C5orf22: variants seen among roughly 807,000 people sequenced by gnomAD.
C5orf22 encodes UPF0489 protein C5orf22.
A neutral mutation model predicts 48.7 loss-of-function variants in C5orf22; 36 were observed. The observed-to-expected ratio is 0.74, with a 90% CI of 0.57 to 0.98. The LOEUF is 0.98. C5orf22 is among the 50% of genes least tolerant of loss of function. C5orf22 has a pLI of 0.00. For synonymous variants in C5orf22, 141 were observed against 180.8 expected (o/e 0.78, Z 1.76); for missense variants, 486 against 521.9 (o/e 0.93, Z 0.67).
rs189897483 is a variant in C5orf22, at chr5:31,554,294, C to T, written c.*1392C>T. ...TGTGTTCCTATAGAGTTGCATGTAG[C>T]TAAAATTATAGTGTGCTGCCTAACT... On this transcript the variant is annotated 3_prime_UTR_variant, in exon 9 of 9. Transcript: ENST00000325366. 1.8e-3 allele frequency: 277 copies of T among 152,304 alleles called. 10 individuals carry two copies. The highest frequency in any genetic ancestry group is 0.018 in the Admixed American group (273 of 15,298). The allele number at this position is 152,304 out of a possible 1,614,324, so 9.4% of individuals were successfully genotyped here. A position where few individuals can be genotyped will look rare whatever the true frequency, so the allele number is the denominator to read the frequency against.
intron 3 of C5orf22, among the ~76,000 whole-genome samples, chr5:31,537,992 C>T (rs1435747788): frequency 6.6e-6 from 1 of 152,202 alleles, no homozygotes; most frequent in Non-Finnish European, 1.5e-5. Context: ...GCATGCTTTT[C>T]TTCCATTCAC....
intron 4 of C5orf22, among the ~76,000 whole-genome samples, chr5:31,540,283 C>T (rs948138431): frequency 6.6e-6 from 1 of 152,140 alleles, no homozygotes; most frequent in Non-Finnish European, 1.5e-5. Flanking sequence ...TAACCTTTTC[C>T]TGAGAATACT....
In C5orf22 at chr5:31,541,138, GTGTGTGTGTGTA is replaced by G. The variant is rs979012905; in HGVS notation, c.870+129_871-130del. The stretch of plus-strand genomic sequence containing the variant: ...TGTGTGTGTGTGTGTGTGTGTGTGT[GTGTGTGTGTGTA>G]TTGGCGAAGCCCATGGTTAGTACTT... On this transcript the variant is annotated intron_variant, in intron 5 of 8. Coordinates refer to ENST00000325366, the MANE Select transcript of C5orf22 (RefSeq NM_018356.3). 5.1e-6 allele frequency: 5 copies of G among 984,432 alleles called. No individual in the cohort carries two copies. In the African/African-American group the frequency reaches 8.2e-5, roughly 16 times the overall value. 61.0% of individuals were successfully genotyped at this position (984,432 alleles called of 1,614,324 possible).
intron 7 of C5orf22, 87 bp downstream of exon 7, chr5:31,545,799 C>A: frequency 3.5e-6 from 3 of 855,206 alleles, no homozygotes; most frequent in South Asian, 3.3e-5. Flanking sequence ...TAAAGTGGTT[C>A]GTTTTTGTTT....
intron 4 of C5orf22, among the ~76,000 whole-genome samples, chr5:31,540,433 G>T (rs900203775): frequency 3.3e-5 from 5 of 152,110 alleles, no homozygotes; most frequent in African/African-American, 1.2e-4. Context: ...CCTGACCGAG[G>T]TTCTATGTCT....
intron 1 of C5orf22, among the ~76,000 whole-genome samples, chr5:31,533,145 G>T (rs1741772555): frequency 6.6e-6 from 1 of 152,038 alleles, no homozygotes; most frequent in African/African-American, 2.4e-5. Flanking sequence ...AGTAGAGACG[G>T]GGCTTCGCCA....
chr5:31,542,995 T>C (rs1167336248), intron 6 of C5orf22, among the ~76,000 whole-genome samples: 1 of 152,180 alleles, frequency 6.6e-6, no homozygotes, highest in Non-Finnish European at 1.5e-5. Flanking sequence ...TCAGCAGATC[T>C]CTAGAAGAAT....
intron 6 of C5orf22, among the ~76,000 whole-genome samples, chr5:31,542,687 C>T (rs771240947): frequency 1.1e-4 from 17 of 152,116 alleles, no homozygotes; most frequent in Non-Finnish European, 2.1e-4. Context: ...AGAATATTGA[C>T]ATAAATATTA....
At chr5:31,543,518 T>C (rs1742602228) in intron 6 of C5orf22, among the ~76,000 whole-genome samples, 1 of 151,994 alleles carries the variant, frequency 6.6e-6, no homozygotes, top group Non-Finnish European at 1.5e-5. Flanking sequence ...TGCAGTGAGC[T>C]GAGATCGCAC....
At chr5:31,536,928 T>C (rs1742132157) in intron 3 of C5orf22, among the ~76,000 whole-genome samples, 1 of 152,232 alleles carries the variant, frequency 6.6e-6, no homozygotes, top group Non-Finnish European at 1.5e-5. Flanking sequence ...GTCTTCCTCA[T>C]TGAAAATGAT....
intron 5 of C5orf22, 106 bp from the exon 6 acceptor site, chr5:31,541,175 T>C (rs1281989621): frequency 1.5e-5 from 18 of 1,236,730 alleles, no homozygotes; most frequent in Non-Finnish European, 1.9e-5. Context: ...GGTTAGTACT[T>C]GAAAATTATG....
In C5orf22 at chr5:31,532,480, G is replaced by A; in HGVS notation, c.81+7G>A. 2.5e-6 allele frequency: 4 copies of A among 1,611,652 alleles called. No individual in the cohort carries two copies. Among genetic ancestry groups the A allele is most frequent in the East Asian group, 2.2e-5 (1 of 44,802 alleles). On this transcript the variant is annotated splice_region_variant and intron_variant, in intron 1 of 8. Transcript: ENST00000325366. Reference sequence around the variant, plus strand: ...GGTGGAGGATCATCAGGAGGTGAGCGGACGGCAACAGGGCTCTGGGGCAGA... The same window carrying A: ...GGTGGAGGATCATCAGGAGGTGAGCAGACGGCAACAGGGCTCTGGGGCAGA...
At chr5:31,548,094 G>A (rs899448681) in intron 7 of C5orf22, among the ~76,000 whole-genome samples, 5 of 152,138 alleles carry the variant, frequency 3.3e-5, no homozygotes, top group Non-Finnish European at 7.3e-5. Context: ...TTGAGGCCAG[G>A]AGTTCAAGAC....
chr5:31,551,236 A>C, intron 7 of C5orf22, 57 bp from the exon 8 acceptor site: 1 of 1,549,758 alleles, frequency 6.5e-7, no homozygotes, highest in Non-Finnish European at 8.8e-7. Flanking sequence ...TTAATGATTA[A>C]AGAAGCTTAT....
Position 31,538,388 on chromosome 5 carries a change from A to T in C5orf22, c.506A>T (p.Glu169Val), listed in dbSNP as rs1369013097. The T allele has an allele frequency of 1.2e-6, 2 of 1,614,222 alleles. No homozygotes were observed. The highest frequency in any genetic ancestry group is 4.5e-5 in the East Asian group (2 of 44,880). The change falls in exon 4 of 9, where the codon GAA (glutamate) becomes GTA (valine). Residue 169 changes from glutamate to valine, a missense_variant. By Grantham distance (121) the Glu-to-Val change is moderately radical (BLOSUM62 -2). This residue lies in a region of C5orf22 where 408 missense variants were observed against 444.0 expected (regional missense o/e 0.92). Transcript: ENST00000325366. ...VKPYKLCNNQ[E>V]ENDAVSSAKK... Reference sequence around the variant, plus strand: ...CCTTATAAACTCTGTAACAATCAAGAAGAAAACGATGCAGTGTCTTCTGCT... The same window carrying T: ...CCTTATAAACTCTGTAACAATCAAGTAGAAAACGATGCAGTGTCTTCTGCT...
At chr5:31,532,544 G>A (rs1209577046) in intron 1 of C5orf22, 71 bp downstream of exon 1, 3 of 1,342,274 alleles carry the variant, frequency 2.2e-6, no homozygotes, top group African/African-American at 1.5e-5. Flanking sequence ...CCAAGCAGAG[G>A]GCGCAACCTT....
At position 31,552,816 on chromosome 5, in the gene C5orf22, A is replaced by G; in HGVS notation, c.1243A>G (p.Ile415Val). 1 of 1,613,738 alleles carries G rather than the reference A, an allele frequency of 6.2e-7. No individual in the cohort carries two copies. The highest frequency in any genetic ancestry group is 2.2e-5 in the East Asian group (1 of 44,848). Reference sequence around the variant, plus strand: ...CTGTCCTTCTGACCAAGTTGACACTATTCAAGAAAAGGTCCTCAATATGCT... The same window carrying G: ...CTGTCCTTCTGACCAAGTTGACACTGTTCAAGAAAAGGTCCTCAATATGCT... ...DYCPSDQVDT[I>V]QEKVLNMLRA... is the part of the protein sequence containing the mutation. The change falls in exon 9 of 9, where the codon ATT becomes GTT. Residue 415 changes from isoleucine to valine, a missense_variant. Coordinates refer to ENST00000325366, the MANE Select transcript of C5orf22 (RefSeq NM_018356.3).
chr5:31,551,475 CATCCTA>C, intron 8 of C5orf22, 43 bp downstream of exon 8: 1 of 1,437,770 alleles, frequency 7.0e-7, no homozygotes, highest in Non-Finnish European at 9.7e-7. Context: ...GAGATGTGCA[CATCCTA>C]ATCTCTGGAA....
chr5:31,546,189 G>A (rs1410278882), intron 7 of C5orf22, among the ~76,000 whole-genome samples: 1 of 152,202 alleles, frequency 6.6e-6, no homozygotes, highest in Non-Finnish European at 1.5e-5. Flanking sequence ...ACAGGTATCT[G>A]AATGCTATGG....
Sources: gnomAD v4.1 joint callset for allele counts (sites outside exome capture counted in the v4.1 genomes callset) on GRCh38, gnomAD v4.1.1 for gene constraint, gnomAD v4.1.1 regional missense constraint, MANE v1.5 for transcripts, NCBI Gene and HGNC (gene_info 2026-07-23, HGNC 2026-07-21) for gene names.